TENM3: variants seen among roughly 807,000 people sequenced by gnomAD.
The protein encoded by TENM3 is teneurin-3.
In TENM3, 63 loss-of-function variants were observed where a neutral mutation model predicts 255.1. The ratio of observed to expected loss-of-function variants is 0.25; its 90% CI spans 0.20 to 0.30. The LOEUF (loss-of-function observed/expected upper bound fraction) is 0.30. Among genes scored for constraint, TENM3 ranks in the 10% least tolerant of loss-of-function variants. The pLI is 1.00. For synonymous variants in TENM3, 1,306 were observed against 1,322.3 expected, an observed-to-expected ratio of 0.99 and a Z score of 0.27; for missense variants, 2,929 against 3,461.1, an observed-to-expected ratio of 0.85 and a Z score of 3.86.
rs1408715235 is a variant in TENM3, at chr4:182,175,315, ATAT to A, written c.-76+30562_-76+30564del. Among the ~76,000 whole-genome samples the A allele has an allele frequency of 1.4e-3, 61 of 43,816 alleles. 1 individual carries two copies. Among genetic ancestry groups the A allele is most frequent in the Middle Eastern group, 0.013 (1 of 80 alleles). 28.7% of individuals were successfully genotyped at this position (43,816 alleles called of 152,430 possible). A position where few individuals can be genotyped will look rare whatever the true frequency, so the allele number is the denominator to read the frequency against. On this transcript the variant is annotated intron_variant, in intron 1 of 2. Coordinates refer to the TENM3 transcript ENST00000512480. The stretch of plus-strand genomic sequence containing the variant: ...GCTCTGCTTCATTAAAAAAAAAAAA[ATAT>A]ATATATATATATATATACACACAAG...
At chr4:182,483,394 T>A (rs1436538267) in intron 3 of TENM3, among the ~76,000 whole-genome samples, 1 of 152,208 alleles carries the variant, frequency 6.6e-6, no homozygotes, top group Non-Finnish European at 1.5e-5. Context: ...AATGACTTGA[T>A]GCTAGTTTGT....
intron 1 of TENM3, among the ~76,000 whole-genome samples, chr4:182,206,061 A>G (rs1020620783): frequency 3.9e-5 from 6 of 152,082 alleles, no homozygotes; most frequent in East Asian, 1.9e-4. Flanking sequence ...TTAAAAAAAA[A>G]AAAGAAAGAA....
intron 1 of TENM3, among the ~76,000 whole-genome samples, chr4:182,276,055 A>C (rs1367725070): frequency 6.6e-6 from 1 of 152,182 alleles, no homozygotes; most frequent in African/African-American, 2.4e-5. Flanking sequence ...TCAGGAGTGA[A>C]TTTGCACTGA....
At chr4:182,259,728 C>A (rs1203106180) in intron 1 of TENM3, among the ~76,000 whole-genome samples, 2 of 151,746 alleles carry the variant, frequency 1.3e-5, no homozygotes, top group African/African-American at 2.4e-5. Context: ...ACTGGGATAT[C>A]CATCACCTTA....
At chr4:182,215,662 G>C (rs929756029) in intron 1 of TENM3, among the ~76,000 whole-genome samples, 2 of 152,102 alleles carry the variant, frequency 1.3e-5, no homozygotes, top group Admixed American at 1.3e-4. Context: ...TAAGGCCTAA[G>C]GTACAAATGT....
intron 3 of TENM3, among the ~76,000 whole-genome samples, chr4:182,449,343 C>T (rs1038320917): frequency 2.7e-5 from 4 of 148,042 alleles, no homozygotes; most frequent in South Asian, 2.2e-4. Context: ...CCCTGAGGGA[C>T]CACATTTAAG....
the TENM3 span, among the ~76,000 whole-genome samples, chr4:181,842,599 A>T: frequency 2.0e-5 from 3 of 152,224 alleles, no homozygotes; most frequent in African/African-American, 7.2e-5. Context: ...TGCATGAAGC[A>T]GGTGTCCTCT....
At chr4:181,698,095 T>G in the TENM3 span, among the ~76,000 whole-genome samples, 1 of 151,424 alleles carries the variant, frequency 6.6e-6, no homozygotes. Context: ...GCGCTTGTAG[T>G]CCCAGCTACT....
the TENM3 span, among the ~76,000 whole-genome samples, chr4:181,475,687 T>C: frequency 6.6e-6 from 1 of 152,218 alleles, no homozygotes; most frequent in Non-Finnish European, 1.5e-5. Flanking sequence ...ATGAATTTTG[T>C]TCCTGACTCA....
At chr4:181,906,359 C>T in the TENM3 span, 16 of 206,030 alleles carry the variant, frequency 7.8e-5, no homozygotes, top group Admixed American at 2.6e-4. Flanking sequence ...TCCTCCTGTA[C>T]GAGAGAACTC....
the TENM3 span, among the ~76,000 whole-genome samples, chr4:181,955,423 G>A: frequency 6.6e-6 from 1 of 152,212 alleles, no homozygotes; most frequent in Non-Finnish European, 1.5e-5. Context: ...CTTGAAAGGA[G>A]AGAATCAGCC....
intron 3 of TENM3, among the ~76,000 whole-genome samples, chr4:182,397,288 C>A (rs1241848539): frequency 6.8e-6 from 1 of 148,090 alleles, no homozygotes; most frequent in Non-Finnish European, 1.5e-5. Flanking sequence ...GTAATCCCAG[C>A]TACTTGGGAG....
chr4:182,236,572 C>A (rs1405648612), intron 1 of TENM3, among the ~76,000 whole-genome samples: 1 of 151,922 alleles, frequency 6.6e-6, no homozygotes, highest in Non-Finnish European at 1.5e-5. Flanking sequence ...CCAGTGTAGA[C>A]GTTAAATAAT....
chr4:182,227,646 T>TC (rs1207671939), intron 1 of TENM3, among the ~76,000 whole-genome samples: 1 of 151,680 alleles, frequency 6.6e-6, no homozygotes, highest in East Asian at 1.9e-4. Flanking sequence ...GCTTTTTTTT[T>TC]TTTTTTTTCC....
chr4:181,865,379 C>T, the TENM3 span, among the ~76,000 whole-genome samples: 1 of 152,116 alleles, frequency 6.6e-6, no homozygotes, highest in African/African-American at 2.4e-5. Context: ...TCTTCTTTTT[C>T]TTGTTGCCGA....
the TENM3 span, among the ~76,000 whole-genome samples, chr4:181,771,694 C>T: frequency 2.0e-5 from 3 of 152,286 alleles, no homozygotes; most frequent in Admixed American, 6.5e-5. Context: ...ACAAATCAAC[C>T]GGCTGTGTTT....
At chr4:182,442,823 CAT>C (rs1321590848) in intron 3 of TENM3, among the ~76,000 whole-genome samples, 2 of 136,814 alleles carry the variant, frequency 1.5e-5, no homozygotes, top group Non-Finnish European at 3.1e-5. Context: ...CATATATATA[CAT>C]ATATATACAT....
At chr4:181,774,931 G>A in the TENM3 span, among the ~76,000 whole-genome samples, 1 of 147,514 alleles carries the variant, frequency 6.8e-6, no homozygotes, top group South Asian at 2.2e-4. Flanking sequence ...TTTGTCAGAT[G>A]AGTAGGTTGC....
chr4:181,695,591 A>T, the TENM3 span, among the ~76,000 whole-genome samples: 2 of 152,290 alleles, frequency 1.3e-5, no homozygotes, highest in Middle Eastern at 3.4e-3. Flanking sequence ...AGTGTGAATT[A>T]TCCTACTTCC....
Sources: gnomAD v4.1 joint callset for allele counts (sites outside exome capture counted in the v4.1 genomes callset) on GRCh38, gnomAD v4.1.1 for gene constraint, MANE v1.5 for transcripts, NCBI Gene and HGNC (gene_info 2026-07-23, HGNC 2026-07-21) for gene names.